The following ZNF831 variants were observed in gnomAD, a reference collection of about 807,000 sequenced individuals.
ZNF831 encodes zinc finger protein 831, also known as chromosome 20 open reading frame 174.
In ZNF831, 59 loss-of-function variants were observed where a neutral mutation model predicts 95.8. The observed-to-expected ratio is 0.62, with a 90% CI of 0.50 to 0.77. The LOEUF is 0.77. Ranked by LOEUF, ZNF831 falls within the 30% of genes least tolerant of loss-of-function variation. ZNF831 has a pLI of 0.00. For synonymous variants in ZNF831, 961 were observed against 925.5 expected (o/e 1.04, Z -0.70); for missense variants, 2,205 against 2,164.0 (o/e 1.02, Z -0.38).
chr20:59,142,731 A>G (rs1339226856), intron 1 of ZNF831, among the ~76,000 whole-genome samples: 1 of 152,164 alleles, frequency 6.6e-6, no homozygotes, highest in Non-Finnish European at 1.5e-5. Context: ...TGTTTTCATT[A>G]TGGTTTTTGA....
intron 4 of ZNF831, among the ~76,000 whole-genome samples, chr20:59,225,066 A>G (rs1053997400): frequency 3.3e-5 from 5 of 151,662 alleles, no homozygotes; most frequent in East Asian, 1.9e-4. Flanking sequence ...GTTGTGTTCC[A>G]TTGTGTTTAA....
chr20:59,234,961 C>T (rs1022760682), intron 4 of ZNF831, among the ~76,000 whole-genome samples: 2 of 152,134 alleles, frequency 1.3e-5, no homozygotes, highest in South Asian at 4.1e-4. Context: ...TGTTGAGATT[C>T]CCCTGGTTTT....
intron 2 of ZNF831, among the ~76,000 whole-genome samples, chr20:59,194,959 G>A (rs936264616): frequency 1.3e-5 from 2 of 152,136 alleles, no homozygotes; most frequent in Non-Finnish European, 2.9e-5. Flanking sequence ...ACAGAGTTGC[G>A]GAAAACATAA....
At chr20:59,250,718 G>A (rs1199284094) in intron 4 of ZNF831, among the ~76,000 whole-genome samples, 1 of 151,996 alleles carries the variant, frequency 6.6e-6, no homozygotes, top group Admixed American at 6.5e-5. Flanking sequence ...GTAAGAACAG[G>A]ATGCTATAAA....
At chr20:59,131,535 T>A (rs1004029520) in intron 1 of ZNF831, among the ~76,000 whole-genome samples, 8 of 152,206 alleles carry the variant, frequency 5.3e-5, no homozygotes, top group African/African-American at 1.9e-4. Context: ...TCGAGGGGTT[T>A]CTTGCTGCCT....
At chr20:59,229,992 A>G (rs1986638607) in intron 4 of ZNF831, among the ~76,000 whole-genome samples, 1 of 152,186 alleles carries the variant, frequency 6.6e-6, no homozygotes, top group Non-Finnish European at 1.5e-5. Flanking sequence ...ACTGGTGAGA[A>G]AGAAAGGGGA....
intron 1 of ZNF831, among the ~76,000 whole-genome samples, chr20:59,140,995 G>A (rs1979660470): frequency 6.6e-6 from 1 of 152,138 alleles, no homozygotes; most frequent in South Asian, 2.1e-4. Flanking sequence ...TTCCTCCCAG[G>A]TTCAAGCAAT....
intron 4 of ZNF831, among the ~76,000 whole-genome samples, chr20:59,241,307 C>T (rs1426400791): frequency 6.6e-6 from 1 of 151,952 alleles, no homozygotes; most frequent in South Asian, 2.1e-4. Context: ...TAACCGGCCC[C>T]CTCTATTTTT....
chr20:59,222,431 C>A (rs1986145678), intron 4 of ZNF831, among the ~76,000 whole-genome samples: 1 of 151,974 alleles, frequency 6.6e-6, no homozygotes, highest in African/African-American at 2.4e-5. Flanking sequence ...CCTCCGCCCC[C>A]GCCGGCGCCA....
intron 4 of ZNF831, among the ~76,000 whole-genome samples, chr20:59,247,792 T>C (rs1568795545): frequency 6.6e-6 from 1 of 152,194 alleles, no homozygotes; most frequent in Non-Finnish European, 1.5e-5. Flanking sequence ...TTTGGTGTAT[T>C]GGGACAAACC....
At chr20:59,212,261 T>C (rs560513000) in intron 4 of ZNF831, among the ~76,000 whole-genome samples, 1 of 152,266 alleles carries the variant, frequency 6.6e-6, no homozygotes, top group African/African-American at 2.4e-5. Context: ...ATGGTTCTAA[T>C]CATTTGAATT....
rs182165461 is a variant in ZNF831, at chr20:59,253,371, C to A, written c.4188+233C>A. 1.1e-3 allele frequency among the ~76,000 whole-genome samples: 174 copies of A among 152,186 alleles called. 2 individuals are homozygous for A. The East Asian group carries it at 0.028, about 25-fold the overall frequency. ...TTTCTGATGGTTTCTTTAAAAAAAACCCCAAGTATGTTATTACTGCACACC... is the reference window on the plus strand; with the variant it reads ...TTTCTGATGGTTTCTTTAAAAAAAAACCCAAGTATGTTATTACTGCACACC... On this transcript the variant is annotated intron_variant, in intron 5 of 5. Transcript: ENST00000371030.
At chr20:59,212,301 T>G (rs945517905) in intron 4 of ZNF831, among the ~76,000 whole-genome samples, 1 of 152,210 alleles carries the variant, frequency 6.6e-6, no homozygotes, top group Non-Finnish European at 1.5e-5. Flanking sequence ...AAGTCATCTG[T>G]AAGCAGAAGG....
Position 59,193,082 on chromosome 20 carries a change from C to A in ZNF831, c.2063C>A (p.Ala688Glu), listed in dbSNP as rs1983747620. The A allele has an allele frequency of 1.9e-6, 3 of 1,596,528 alleles. No homozygotes were observed. Among genetic ancestry groups the A allele is most frequent in the African/African-American group, 2.7e-5 (2 of 74,662 alleles). The change falls in exon 2 of 6, where the codon GCA becomes GAA. Residue 688 changes from alanine (A) to glutamate (E), a missense_variant. Coordinates refer to ENST00000371030, the MANE Select transcript of ZNF831 (RefSeq NM_178457.3). Reference sequence around the variant, plus strand: ...GTCCATGAGGACATATCCGCAGGGGCAACGCCAGAGCCTTGGGGAAATCCA... The same window carrying A: ...GTCCATGAGGACATATCCGCAGGGGAAACGCCAGAGCCTTGGGGAAATCCA... ...TPVHEDISAG[A>E]TPEPWGNPPA... is the part of the protein sequence containing the mutation.
At chr20:59,181,485 C>G (rs1982612786) in intron 1 of ZNF831, among the ~76,000 whole-genome samples, 1 of 152,102 alleles carries the variant, frequency 6.6e-6, no homozygotes, top group South Asian at 2.1e-4. Flanking sequence ...AGGTTTTCTT[C>G]TAGGGTTTTT....
chr20:59,209,504 G>T (rs568637312), intron 4 of ZNF831, among the ~76,000 whole-genome samples: 1 of 152,296 alleles, frequency 6.6e-6, no homozygotes, highest in East Asian at 1.9e-4. Flanking sequence ...AGGGAACATG[G>T]GGAGTTCAGA....
intron 4 of ZNF831, among the ~76,000 whole-genome samples, chr20:59,219,681 T>C (rs879265671): frequency 6.6e-6 from 1 of 152,202 alleles, no homozygotes; most frequent in Non-Finnish European, 1.5e-5. Context: ...TCACTCTTTA[T>C]CATGCCTTCT....
chr20:59,184,908 G>A (rs191528208), intron 1 of ZNF831, among the ~76,000 whole-genome samples: 5 of 152,212 alleles, frequency 3.3e-5, no homozygotes, highest in East Asian at 1.9e-4. Context: ...GCACATTTGC[G>A]CCAAAAGATA....
intron 4 of ZNF831, among the ~76,000 whole-genome samples, chr20:59,207,309 G>A (rs1316673154): frequency 6.6e-6 from 1 of 152,230 alleles, no homozygotes; most frequent in African/African-American, 2.4e-5. Context: ...CTGGCCACCT[G>A]TGCCAAGCTC....
Sources: allele counts gnomAD v4.1 joint callset (sites outside exome capture counted in the v4.1 genomes callset), GRCh38; gene constraint gnomAD v4.1.1; transcripts MANE v1.5; gene names NCBI Gene and HGNC (gene_info 2026-07-23, HGNC 2026-07-21).